KCNIP4: variants seen among roughly 807,000 people sequenced by gnomAD.
KCNIP4 encodes Kv channel-interacting protein 4.
A neutral mutation model predicts 34.0 loss-of-function variants in KCNIP4; 12 were observed. The observed-to-expected ratio is 0.35, with a 90% confidence interval of 0.23 to 0.57. KCNIP4 has a LOEUF of 0.57. Among genes scored for constraint, KCNIP4 ranks in the 20% least tolerant of loss-of-function variants. The probability of loss-of-function intolerance (pLI) is 0.83; values close to 1 mark genes in which losing one functional copy is unlikely to be tolerated. For synonymous variants in KCNIP4, 124 were observed against 102.2 expected (o/e 1.21, Z -1.29); for missense variants, 238 against 311.7 (o/e 0.76, Z 1.78).
At chr4:21,568,124 C>G (rs55960027) in intron 1 of KCNIP4, among the ~76,000 whole-genome samples, 4,848 of 152,118 alleles carry the variant, frequency 0.032, 126 homozygotes, top group Non-Finnish European at 0.048. Context: ...GAATTCAAAT[C>G]GTATTATAAT....
chr4:21,099,740 C>T (rs1747778735), intron 1 of KCNIP4, among the ~76,000 whole-genome samples: 1 of 152,092 alleles, frequency 6.6e-6, no homozygotes, highest in African/African-American at 2.4e-5. Context: ...AAAGGATTCA[C>T]CATTCTAGAT....
intron 2 of KCNIP4, among the ~76,000 whole-genome samples, chr4:20,863,238 A>T (rs1722401297): frequency 6.6e-6 from 1 of 151,986 alleles, no homozygotes; most frequent in African/African-American, 2.4e-5. Flanking sequence ...GGAGGTGGGG[A>T]GTGCTGATTC....
At chr4:21,667,556 T>C (rs957506670) in intron 1 of KCNIP4, among the ~76,000 whole-genome samples, 3 of 152,206 alleles carry the variant, frequency 2.0e-5, no homozygotes, top group African/African-American at 4.8e-5. Context: ...TGTCCAGACA[T>C]GATATTTTTG....
At chr4:21,733,271 T>C (rs528676944) in intron 1 of KCNIP4, among the ~76,000 whole-genome samples, 1 of 152,224 alleles carries the variant, frequency 6.6e-6, no homozygotes, top group African/African-American at 2.4e-5. Context: ...GATTGGGACA[T>C]GACTGATACA....
intron 1 of KCNIP4, among the ~76,000 whole-genome samples, chr4:21,858,332 G>A (rs912260929): frequency 1.3e-5 from 2 of 152,240 alleles, no homozygotes; most frequent in African/African-American, 4.8e-5. Flanking sequence ...TTTTCAGTGT[G>A]AAAGAGAACA....
chr4:21,843,271 A>G (rs1188581384), intron 1 of KCNIP4: 1 of 152,070 alleles, frequency 6.6e-6, no homozygotes, highest in Non-Finnish European at 1.5e-5. Context: ...GACTTTGTCA[A>G]GGATCTTATA....
chr4:20,759,081 C>A (rs1221824438), intron 3 of KCNIP4, among the ~76,000 whole-genome samples, 191 bp from the exon 4 acceptor site: 1 of 151,790 alleles, frequency 6.6e-6, no homozygotes, highest in Non-Finnish European at 1.5e-5. Context: ...GAAAAAAAAA[C>A]GTAGATGTAA....
At chr4:21,052,212 G>A (rs1016045653) in intron 1 of KCNIP4, among the ~76,000 whole-genome samples, 4 of 152,052 alleles carry the variant, frequency 2.6e-5, no homozygotes, top group African/African-American at 9.7e-5. Context: ...TGGAATTGAG[G>A]TCCATGCTCA....
intron 1 of KCNIP4, among the ~76,000 whole-genome samples, chr4:20,993,498 A>G (rs1737268922): frequency 6.6e-6 from 1 of 152,182 alleles, no homozygotes; most frequent in Admixed American, 6.5e-5. Context: ...ATCCCAATGA[A>G]TCACTTTGAC....
At chr4:20,905,240 G>A (rs1391791490) in intron 1 of KCNIP4, among the ~76,000 whole-genome samples, 3 of 152,066 alleles carry the variant, frequency 2.0e-5, no homozygotes, top group African/African-American at 7.2e-5. Flanking sequence ...GTATCGATGA[G>A]CACCTTCTCA....
intron 1 of KCNIP4, among the ~76,000 whole-genome samples, chr4:21,589,397 T>C (rs1028923500): frequency 6.7e-6 from 1 of 149,238 alleles, no homozygotes; most frequent in African/African-American, 2.5e-5. Context: ...GAGAAAAGGA[T>C]AGTAAGGCAA....
chr4:20,785,181 G>T (rs1711792350), intron 3 of KCNIP4, among the ~76,000 whole-genome samples: 1 of 152,094 alleles, frequency 6.6e-6, no homozygotes, highest in African/African-American at 2.4e-5. Context: ...TAGAAGTCAG[G>T]CAGGAAGAAT....
At chr4:21,187,600 G>A (rs1755329528) in intron 1 of KCNIP4, among the ~76,000 whole-genome samples, 1 of 152,164 alleles carries the variant, frequency 6.6e-6, no homozygotes, top group Non-Finnish European at 1.5e-5. Flanking sequence ...ATGGGCAGAG[G>A]AGAATTCCTT....
chr4:20,779,588 C>G (rs999033033), intron 3 of KCNIP4, among the ~76,000 whole-genome samples: 4 of 82,088 alleles, frequency 4.9e-5, no homozygotes, highest in African/African-American at 1.8e-4. Context: ...CCCCCCCCCC[C>G]ACACAAAAAA....
intron 1 of KCNIP4, among the ~76,000 whole-genome samples, chr4:21,946,203 G>T (rs1043054035): frequency 1.3e-5 from 2 of 151,596 alleles, no homozygotes; most frequent in African/African-American, 2.4e-5. Flanking sequence ...TCTAAGTCAG[G>T]TCATAAAATA....
chr4:21,262,783 CATTTA>C (rs1289283181), intron 1 of KCNIP4, among the ~76,000 whole-genome samples: 1 of 152,144 alleles, frequency 6.6e-6, no homozygotes, highest in Non-Finnish European at 1.5e-5. Context: ...CAGTGAATCC[CATTTA>C]TTTTATTCCA....
In KCNIP4 at chr4:21,037,629, T is replaced by C. The variant is rs1051981946; in HGVS notation, c.62-154920A>G. ...CATTTCTTATAACGTATTCTCATTATTAAGTGAGACATAACTGTACTTGCG... is the reference window on the plus strand; with the variant it reads ...CATTTCTTATAACGTATTCTCATTACTAAGTGAGACATAACTGTACTTGCG... On this transcript the variant is annotated intron_variant, in intron 1 of 8. Coordinates refer to ENST00000382152, the MANE Select transcript of KCNIP4 (RefSeq NM_025221.6). Among the ~76,000 whole-genome samples, 3 of 152,260 alleles carry C rather than the reference T, an allele frequency of 2.0e-5. No homozygotes were observed. In the East Asian group the frequency reaches 5.8e-4, roughly 29 times the overall value.
At chr4:21,532,481 T>C (rs1261666213) in intron 1 of KCNIP4, among the ~76,000 whole-genome samples, 3 of 152,162 alleles carry the variant, frequency 2.0e-5, no homozygotes, top group Admixed American at 1.3e-4. Context: ...TTCTCTCCAT[T>C]GTTGTGCATG....
intron 1 of KCNIP4, among the ~76,000 whole-genome samples, chr4:21,266,625 T>C (rs1468187701): frequency 6.6e-6 from 1 of 152,156 alleles, no homozygotes; most frequent in East Asian, 1.9e-4. Context: ...CTAAAGTGCA[T>C]GTGGGGTGTA....
Sources: allele counts gnomAD v4.1 joint callset (sites outside exome capture counted in the v4.1 genomes callset), GRCh38; gene constraint gnomAD v4.1.1; transcripts MANE v1.5; gene names NCBI Gene and HGNC (gene_info 2026-07-23, HGNC 2026-07-21).